MTAP: variants seen among roughly 807,000 people sequenced by gnomAD.
MTAP encodes the protein S-methyl-5'-thioadenosine phosphorylase.
Under a neutral mutation model 33.6 loss-of-function variants are expected in MTAP, and 33 were observed. The ratio of observed to expected loss-of-function variants is 0.98; its 90% CI spans 0.74 to 1.31. The LOEUF (loss-of-function observed/expected upper bound fraction) is 1.31. Among genes scored for constraint, MTAP ranks in the 40% most tolerant of loss-of-function variants. The pLI is 0.00. For missense variants in MTAP, 367 were observed against 360.0 expected (o/e 1.02, Z -0.16); for synonymous variants, 148 against 125.7 (o/e 1.18, Z -1.19).
At chr9:21,900,037 C>T (rs546772758) in intron 1 of MTAP, among the ~76,000 whole-genome samples, 1 of 152,090 alleles carries the variant, frequency 6.6e-6, no homozygotes, top group Non-Finnish European at 1.5e-5. Flanking sequence ...ACTCAGGATG[C>T]ATTAAACACT....
At chr9:21,860,206 G>A (rs1825725682) in intron 7 of MTAP, 1 of 152,182 alleles carries the variant, frequency 6.6e-6, no homozygotes, top group Non-Finnish European at 1.5e-5. Flanking sequence ...AGTATAATGA[G>A]GACATTGTAT....
chr9:21,865,728 G>A lies in MTAP; in HGVS notation c.*3714G>A. ...AGGGCCTGTTGCCAGCTATGCCTTTGAGAACCTCGGGATCCCAAAGAATGA... is the reference window on the plus strand; with the variant it reads ...AGGGCCTGTTGCCAGCTATGCCTTTAAGAACCTCGGGATCCCAAAGAATGA... On this transcript the variant is annotated 3_prime_UTR_variant, in exon 8 of 8. Coordinates refer to ENST00000644715, the MANE Select transcript of MTAP (RefSeq NM_002451.4). 1 of 1,039,664 alleles carries A rather than the reference G, an allele frequency of 9.6e-7. No homozygotes were observed. The highest frequency in any genetic ancestry group is 1.2e-6 in the Non-Finnish European group (1 of 857,832). 64.4% of individuals were successfully genotyped at this position (1,039,664 alleles called of 1,614,324 possible). A position where few individuals can be genotyped will look rare whatever the true frequency, so the allele number is the denominator to read the frequency against.
In MTAP at chr9:21,820,700, C is replaced by T. The variant is rs151254992; in HGVS notation, c.347+2498C>T. 6.2e-3 allele frequency among the ~76,000 whole-genome samples: 937 copies of T among 152,240 alleles called. 4 individuals carry two copies. The highest frequency in any genetic ancestry group is 0.017 in the Middle Eastern group (5 of 294). On this transcript the variant is annotated intron_variant, in intron 4 of 7. Transcript: ENST00000644715. ...CATTGGTAGCTTGATGGGGATGGCA[C>T]TGAATCTATAAATTACCTATGGCCA...
At chr9:21,882,402 A>G (rs1424620138) in intron 1 of MTAP, among the ~76,000 whole-genome samples, 1 of 152,024 alleles carries the variant, frequency 6.6e-6, no homozygotes, top group Admixed American at 6.6e-5. Flanking sequence ...CACATAAAGA[A>G]TAAATAAATA....
At chr9:21,911,531 T>C (rs1308348651) in intron 1 of MTAP, among the ~76,000 whole-genome samples, 1 of 152,092 alleles carries the variant, frequency 6.6e-6, no homozygotes, top group Non-Finnish European at 1.5e-5. Context: ...GAATGACTAC[T>C]GGGTACATAA....
At chr9:21,895,915 T>C (rs1011548052) in intron 1 of MTAP, among the ~76,000 whole-genome samples, 1 of 152,146 alleles carries the variant, frequency 6.6e-6, no homozygotes, top group Admixed American at 6.5e-5. Flanking sequence ...GCGGACCTAA[T>C]AGACATCTAC....
At chr9:21,873,510 G>A (rs988536935) in intron 1 of MTAP, among the ~76,000 whole-genome samples, 3 of 152,022 alleles carry the variant, frequency 2.0e-5, no homozygotes, top group South Asian at 4.2e-4. Context: ...TGCCCCTTCT[G>A]CCATGTGAGA....
chr9:21,933,845 ATTAAC>A (rs1256915259), downstream of MTAP: 2 of 152,250 alleles, frequency 1.3e-5, no homozygotes, highest in African/African-American at 4.8e-5. Context: ...CTATCCTAAA[ATTAAC>A]TTATAAAGAG....
downstream of MTAP, chr9:21,931,265 ACTGAC>A: frequency 6.6e-6 from 4 of 608,232 alleles, no homozygotes; most frequent in South Asian, 7.9e-5. Flanking sequence ...GTTACAGAAG[ACTGAC>A]CTTCATCCAG....
In MTAP at chr9:21,815,535, G is replaced by A. The variant is rs759288136; in HGVS notation, c.120+16G>A. On this transcript the variant is annotated intron_variant, in intron 2 of 7. Coordinates refer to ENST00000644715, the MANE Select transcript of MTAP (RefSeq NM_002451.4). ...ATTTGGCAAGGTTAATATCCAACTT[G>A]TGGAGACATGTTTTTTAGTTTTTTC... 12 of 1,498,730 alleles carry A rather than the reference G, an allele frequency of 8.0e-6. No individual in the cohort carries two copies. Among genetic ancestry groups the A allele is most frequent in the Non-Finnish European group, 1.1e-5 (12 of 1,082,998 alleles). The allele number at this position is 1,498,730 out of a possible 1,614,324, so 92.8% of individuals were successfully genotyped here. A position where few individuals can be genotyped will look rare whatever the true frequency, so the allele number is the denominator to read the frequency against.
chr9:21,902,543 C>G (rs1818409599), intron 1 of MTAP, among the ~76,000 whole-genome samples: 1 of 152,220 alleles, frequency 6.6e-6, no homozygotes, highest in Admixed American at 6.5e-5. Flanking sequence ...TTCAAGTTTT[C>G]TACATAACCA....
rs1825815388 is a variant in MTAP, at chr9:21,864,393, T to C, written c.*2379T>C. 1 of 985,190 alleles carries C rather than the reference T, an allele frequency of 1.0e-6. No individual in the cohort carries two copies. Among genetic ancestry groups the C allele is most frequent in the Non-Finnish European group, 1.2e-6 (1 of 829,896 alleles). 61.0% of individuals were successfully genotyped at this position (985,190 alleles called of 1,614,324 possible). A position where few individuals can be genotyped will look rare whatever the true frequency, so the allele number is the denominator to read the frequency against. On this transcript the variant is annotated 3_prime_UTR_variant, in exon 8 of 8. Transcript: ENST00000644715. ...AAGCTAGTATACTAAGTGAACACCA[T>C]GGTCAGTTGTGAGCATTTTGGTTTC...
intron 1 of MTAP, among the ~76,000 whole-genome samples, chr9:21,887,514 T>A (rs1364489723): frequency 6.6e-5 from 10 of 152,170 alleles, no homozygotes; most frequent in Non-Finnish European, 1.2e-4. Context: ...TCTATCATTG[T>A]TGGACATTTG....
chr9:21,850,573 C>A (rs1156886299), intron 5 of MTAP, among the ~76,000 whole-genome samples: 1 of 152,340 alleles, frequency 6.6e-6, no homozygotes, highest in East Asian at 1.9e-4. Context: ...TGTTTGGAGC[C>A]TTTGGCAGGC....
chr9:21,819,236 A>G (rs1355829469), intron 4 of MTAP, among the ~76,000 whole-genome samples: 2 of 151,220 alleles, frequency 1.3e-5, no homozygotes, highest in African/African-American at 2.4e-5. Flanking sequence ...GGTGTGCTGC[A>G]CCCATTAACT....
chr9:21,821,488 G>C (rs1824637683), intron 4 of MTAP, among the ~76,000 whole-genome samples: 1 of 152,178 alleles, frequency 6.6e-6, no homozygotes, highest in African/African-American at 2.4e-5. Context: ...CTTGATGATG[G>C]TGGATAAGCT....
At chr9:21,859,219 G>A (rs980420970) in intron 6 of MTAP, 84 bp from the exon 7 acceptor site, 10 of 1,521,952 alleles carry the variant, frequency 6.6e-6, no homozygotes, top group Admixed American at 2.2e-5. Flanking sequence ...TTAGGCTGTA[G>A]CAAGGCTGGA....
chr9:21,807,574 C>T (rs189990291), intron 1 of MTAP, among the ~76,000 whole-genome samples: 321 of 152,274 alleles, frequency 2.1e-3, no homozygotes, highest in African/African-American at 7.6e-3. Flanking sequence ...CAGTAGCACT[C>T]CCCCTAGTCA....
Position 21,862,586 on chromosome 9 carries a change from T to A in MTAP, c.*572T>A, listed in dbSNP as rs775048311. ...AATGATAGTTATAATAATAAATAAT[T>A]GAAACAATCTGAATCCCTTGCAATT... is the stretch of plus-strand genomic sequence containing the variant. On this transcript the variant is annotated 3_prime_UTR_variant, in exon 8 of 8. Coordinates refer to ENST00000644715, the MANE Select transcript of MTAP (RefSeq NM_002451.4). 6.6e-5 allele frequency: 10 copies of A among 152,186 alleles called. No individual in the cohort carries two copies. The highest frequency in any genetic ancestry group is 2.2e-4 in the African/African-American group (9 of 41,432). The allele number at this position is 152,186 out of a possible 1,614,324, so 9.4% of individuals were successfully genotyped here.
Sources: allele counts gnomAD v4.1 joint callset (sites outside exome capture counted in the v4.1 genomes callset), GRCh38; gene constraint gnomAD v4.1.1; transcripts MANE v1.5; gene names NCBI Gene and HGNC (gene_info 2026-07-23, HGNC 2026-07-21).